The following CFH variants were observed in gnomAD, a reference collection of about 807,000 sequenced individuals.
CFH encodes the protein complement factor H.
CFH carries 53 observed loss-of-function variants against 147.3 expected under a neutral mutation model. The observed-to-expected ratio is 0.36, with a 90% CI of 0.29 to 0.45. The LOEUF is 0.45. Among genes scored for constraint, CFH ranks in the 20% least tolerant of loss-of-function variants. The probability of loss-of-function intolerance (pLI) is 1.00; values close to 1 mark genes in which losing one functional copy is unlikely to be tolerated. For synonymous variants in CFH, 536 were observed against 489.4 expected, an observed-to-expected ratio of 1.10 and a Z score of -1.26; for missense variants, 1,380 against 1,498.0, an observed-to-expected ratio of 0.92 and a Z score of 1.30.
In CFH at chr1:196,692,777, TC is replaced by T. The variant is rs1558163670; in HGVS notation, c.1336+2539del. On this transcript the variant is annotated intron_variant, in intron 9 of 21. Transcript: ENST00000367429. ...TTCTTTCTTTCTTTCTTTCTTTCTT[TC>T]TTTCTTTCTTTCTTTCTTTCTTTCT... 9.4e-4 allele frequency among the ~76,000 whole-genome samples: 97 copies of T among 102,890 alleles called. 5 individuals are homozygous for T. Among genetic ancestry groups the T allele is most frequent in the African/African-American group, 3.2e-3 (83 of 25,604 alleles). 67.5% of individuals were successfully genotyped at this position (102,890 alleles called of 152,430 possible).
chr1:196,698,503 G>T (rs114198985), intron 9 of CFH, among the ~76,000 whole-genome samples: 2,207 of 151,980 alleles, frequency 0.015, 58 homozygotes, highest in African/African-American at 0.05. Context: ...ACACATACAC[G>T]CTCCCAACAC....
At chr1:196,672,282 A>G (rs1667307427) in intron 1 of CFH, among the ~76,000 whole-genome samples, 2 of 152,270 alleles carry the variant, frequency 1.3e-5, no homozygotes, top group East Asian at 1.9e-4. Flanking sequence ...CAGAGACCCT[A>G]TATTTACTTG....
intron 1 of CFH, among the ~76,000 whole-genome samples, chr1:196,659,960 G>A (rs1231290076): frequency 1.3e-5 from 2 of 152,194 alleles, no homozygotes; most frequent in African/African-American, 4.8e-5. Flanking sequence ...ACATTTTGAT[G>A]TGGGGAGATA....
intron 7 of CFH, among the ~76,000 whole-genome samples, chr1:196,688,368 C>T (rs912325629): frequency 2.0e-5 from 3 of 151,910 alleles, no homozygotes; most frequent in African/African-American, 7.2e-5. Flanking sequence ...TTATTTTTCT[C>T]TCCAATTAAA....
intron 1 of CFH, among the ~76,000 whole-genome samples, chr1:196,668,159 T>G (rs1667159801): frequency 6.6e-6 from 1 of 152,158 alleles, no homozygotes; most frequent in African/African-American, 2.4e-5. Flanking sequence ...TCAGTTCTGC[T>G]TATTCCTTTT....
chr1:196,698,254 A>G (rs903479272), intron 9 of CFH, among the ~76,000 whole-genome samples: 1 of 152,158 alleles, frequency 6.6e-6, no homozygotes, highest in Admixed American at 6.5e-5. Flanking sequence ...AGATAGAGAC[A>G]TGAAAACCCT....
chr1:196,683,879 T>C (rs1667737480), intron 6 of CFH, among the ~76,000 whole-genome samples: 2 of 151,722 alleles, frequency 1.3e-5, no homozygotes, highest in African/African-American at 2.4e-5. Context: ...GAGAGGAGAC[T>C]ATGGATCATT....
intron 7 of CFH, among the ~76,000 whole-genome samples, chr1:196,689,217 T>A (rs1667939657): frequency 6.6e-6 from 1 of 152,246 alleles, no homozygotes; most frequent in African/African-American, 2.4e-5. Flanking sequence ...CCACAAGACA[T>A]AATTTCATCT....
At chr1:196,704,286 G>C (rs1455726095) in intron 9 of CFH, among the ~76,000 whole-genome samples, 4 of 152,006 alleles carry the variant, frequency 2.6e-5, no homozygotes, top group African/African-American at 9.7e-5. Flanking sequence ...GTAGAGACAG[G>C]GTTTCACCAT....
Position 196,720,903 on chromosome 1 carries a change from C to T in CFH, c.1697-4218C>T, listed in dbSNP as rs146340110. 2.4e-3 allele frequency among the ~76,000 whole-genome samples: 368 copies of T among 152,032 alleles called. 3 individuals are homozygous for T. Among genetic ancestry groups the T allele is most frequent in the South Asian group, 0.017 (81 of 4,828 alleles). ...CATTCTGTTTTCCATAGAGGTTGTA[C>T]TAATTTACATTCCCACCAACAGCGT... is the stretch of plus-strand genomic sequence containing the variant. On this transcript the variant is annotated intron_variant, in intron 11 of 21. Coordinates refer to ENST00000367429, the MANE Select transcript of CFH (RefSeq NM_000186.4).
intron 1 of CFH, among the ~76,000 whole-genome samples, chr1:196,664,294 C>T (rs2149071799): frequency 6.6e-6 from 1 of 152,188 alleles, no homozygotes; most frequent in East Asian, 1.9e-4. Flanking sequence ...CTCCTGGGCT[C>T]AAGGGGATTC....
At chr1:196,735,094 C>T (rs567283721) in intron 15 of CFH, among the ~76,000 whole-genome samples, 3 of 152,012 alleles carry the variant, frequency 2.0e-5, no homozygotes, top group South Asian at 2.1e-4. Flanking sequence ...ATGTTACACA[C>T]GTGTGTGTGT....
At chr1:196,706,109 C>G (rs74708320) in intron 9 of CFH, among the ~76,000 whole-genome samples, 5,307 of 151,974 alleles carry the variant, frequency 0.035, 142 homozygotes, top group Non-Finnish European at 0.055. Flanking sequence ...TGCAGAGACA[C>G]TCCCTCTGGG....
chr1:196,722,672 A>T (rs1332993738), intron 11 of CFH, among the ~76,000 whole-genome samples: 1 of 152,156 alleles, frequency 6.6e-6, no homozygotes, highest in Admixed American at 6.6e-5. Context: ...TTCCTCAAAA[A>T]GGTTTTTTTA....
chr1:196,703,786 C>T (rs1016328840), intron 9 of CFH, among the ~76,000 whole-genome samples: 24 of 151,674 alleles, frequency 1.6e-4, no homozygotes, highest in African/African-American at 5.8e-4. Context: ...AGATCGAGAC[C>T]ATCCTGGCTA....
intron 7 of CFH, among the ~76,000 whole-genome samples, chr1:196,687,557 A>G (rs1247817826): frequency 6.6e-6 from 1 of 152,034 alleles, no homozygotes; most frequent in Non-Finnish European, 1.5e-5. Context: ...TTGCTTTGAA[A>G]TCAACCACAA....
chr1:196,715,484 A>G, intron 10 of CFH, 109 bp from the exon 11 acceptor site: 2 of 841,760 alleles, frequency 2.4e-6, no homozygotes, highest in Non-Finnish European at 4.0e-6. Context: ...TACGGTACCT[A>G]TTTATTAGTA....
chr1:196,662,182 A>G (rs1206564331), intron 1 of CFH, among the ~76,000 whole-genome samples: 1 of 152,212 alleles, frequency 6.6e-6, no homozygotes, highest in Non-Finnish European at 1.5e-5. Context: ...TTTTCTCACC[A>G]ACATTTAGAT....
At chr1:196,714,701 A>G (rs203676) in intron 10 of CFH, among the ~76,000 whole-genome samples, 3,220 of 68,510 alleles carry the variant, frequency 0.047, 100 homozygotes, top group African/African-American at 0.076. Flanking sequence ...AGAGAGAGAG[A>G]GAGAGAGAGA....
Sources: allele counts gnomAD v4.1 joint callset (sites outside exome capture counted in the v4.1 genomes callset), GRCh38; gene constraint gnomAD v4.1.1; transcripts MANE v1.5; gene names NCBI Gene and HGNC (gene_info 2026-07-23, HGNC 2026-07-21).